FBXO39: variants seen among roughly 807,000 people sequenced by gnomAD.
FBXO39 encodes the protein F-box protein 39, also known as F-box only protein 39.
FBXO39 carries 22 observed loss-of-function variants against 36.6 expected under a neutral mutation model. That is an observed-to-expected ratio of 0.60 (90% confidence interval 0.43 to 0.86). FBXO39 has a LOEUF of 0.86. FBXO39 is among the 40% of genes least tolerant of loss of function. The pLI, the probability that FBXO39 is intolerant of heterozygous loss-of-function variation, is 0.00. For synonymous variants in FBXO39, 206 were observed against 205.8 expected, an observed-to-expected ratio of 1.00 and a Z score of -0.01; for missense variants, 536 against 543.9, an observed-to-expected ratio of 0.99 and a Z score of 0.14.
At position 6,780,467 on chromosome 17, in the gene FBXO39, T is replaced by C. The variant is rs755675137; in HGVS notation, c.599T>C (p.Ile200Thr). The C allele has an allele frequency of 2.5e-6, 4 of 1,614,138 alleles. No individual in the cohort carries two copies. Among genetic ancestry groups the C allele is most frequent in the Non-Finnish European group, 3.4e-6 (4 of 1,180,012 alleles). Residue 200 changes from isoleucine to threonine, a missense_variant, in exon 2 of 4, where the codon ATC (isoleucine) becomes ACC (threonine). Physicochemically the swap from Ile to Thr is moderately conservative, Grantham distance 89. Transcript: ENST00000321535. ...GAGAATGTGATCTCAGAGCTCAACA[T>C]CGAGGACTATTTCAGCCATCACCTT... is the stretch of plus-strand genomic sequence containing the variant. ...RNENVISELN[I>T]EDYFSHHLAV...
intron 3 of FBXO39, 101 bp downstream of exon 3, chr17:6,787,057 T>C: frequency 7.2e-7 from 1 of 1,388,728 alleles, no homozygotes; most frequent in Non-Finnish European, 9.8e-7. Flanking sequence ...TGGGGGACAA[T>C]CATCTGTTCA....
chr17:6,779,975 G>A lies in FBXO39; in HGVS notation c.107G>A (p.Arg36Lys). The A allele has an allele frequency of 6.2e-7, 1 of 1,614,212 alleles. No homozygotes were observed. The part of the protein sequence containing the change: ...RVFWWLGDRD[R>K]SRAALVCRKW... ...TTCTGGTGGCTAGGAGACAGGGACAGGTCCAGGGCTGCTCTTGTCTGCAGA... is the reference window on the plus strand; with the variant it reads ...TTCTGGTGGCTAGGAGACAGGGACAAGTCCAGGGCTGCTCTTGTCTGCAGA... The change falls in exon 2 of 4, where the codon AGG (arginine) becomes AAG (lysine). Residue 36 changes from arginine to lysine, a missense_variant. Coordinates refer to ENST00000321535, the MANE Select transcript of FBXO39 (RefSeq NM_153230.3).
rs759858108 is a variant in FBXO39, at chr17:6,780,483, C to T, written c.615C>T (p.Ser205=). ...AGCTCAACATCGAGGACTATTTCAG[C>T]CATCACCTTGCTGTCTACAACAGCC... ...ISELNIEDYF[S]HHLAVYNSPQ... Residue 205 remains serine, a synonymous_variant, in exon 2 of 4, where the codon AGC becomes AGT. Coordinates refer to ENST00000321535, the MANE Select transcript of FBXO39 (RefSeq NM_153230.3). The T allele has an allele frequency of 1.9e-6, 3 of 1,614,136 alleles. No homozygotes were observed. The highest frequency in any genetic ancestry group is 4.5e-5 in the East Asian group (2 of 44,874).
chr17:6,779,944 C>A lies in FBXO39; in HGVS notation c.76C>A (p.Arg26Ser). ...CTTTCTGCCCGATTTGTGTCTGTGC[C>A]GTGTTTTCTGGTGGCTAGGAGACAG... Reference protein sequence around the residue: ...WAFLPDLCLCRVFWWLGDRDR... With the variant: ...WAFLPDLCLCSVFWWLGDRDR... Residue 26 changes from arginine (R) to serine (S), a missense_variant, in exon 2 of 4, where the codon CGT becomes AGT. Coordinates refer to ENST00000321535, the MANE Select transcript of FBXO39 (RefSeq NM_153230.3). 1 of 1,614,158 alleles carries A rather than the reference C, an allele frequency of 6.2e-7. No homozygotes were observed. The highest frequency in any genetic ancestry group is 8.5e-7 in the Non-Finnish European group (1 of 1,180,036).
In FBXO39 at chr17:6,780,351, C is replaced by A. The variant is rs377688513; in HGVS notation, c.483C>A (p.Gly161=). Residue 161 remains glycine (G), a synonymous_variant, in exon 2 of 4, where the codon GGC becomes GGA. Coordinates refer to ENST00000321535, the MANE Select transcript of FBXO39 (RefSeq NM_153230.3). Reference sequence around the variant, plus strand: ...TGAGCTTCTTCTTAAAGAAGATGGGCAAACGCCTGGATTATCTCAACCTAA... The same window carrying A: ...TGAGCTTCTTCTTAAAGAAGATGGGAAAACGCCTGGATTATCTCAACCTAA... ...SSLSFFLKKM[G]KRLDYLNLKG... The A allele has an allele frequency of 6.2e-7, 1 of 1,614,106 alleles. No homozygotes were observed. The highest frequency in any genetic ancestry group is 2.2e-5 in the East Asian group (1 of 44,876).
rs1426551252 is a variant in FBXO39, at chr17:6,786,798, A to G, written c.1042A>G (p.Asn348Asp). Reference protein sequence around the residue: ...HTLQKLTCEFNNNHESLDEEL... With the variant: ...HTLQKLTCEFDNNHESLDEEL... ...CTTCCAGAAATTAACTTGTGAATTCAACAACAACCATGAGTCACTCGACGA... is the reference window on the plus strand; with the variant it reads ...CTTCCAGAAATTAACTTGTGAATTCGACAACAACCATGAGTCACTCGACGA... The change falls in exon 3 of 4, where the codon AAC becomes GAC. Residue 348 changes from asparagine to aspartate, a missense_variant. Physicochemically the swap from Asn to Asp is conservative, Grantham distance 23. Transcript: ENST00000321535. 9 of 1,607,628 alleles carry G rather than the reference A, an allele frequency of 5.6e-6. No individual in the cohort carries two copies. The highest frequency in any genetic ancestry group is 6.8e-6 in the Non-Finnish European group (8 of 1,177,396).
intron 3 of FBXO39, 60 bp from the exon 4 acceptor site, chr17:6,787,240 G>GTA (rs1976583763): frequency 8.1e-7 from 1 of 1,237,914 alleles, no homozygotes; most frequent in Admixed American, 2.2e-5. Context: ...GTGTGTGTAT[G>GTA]TGTGTGTGTG....
intron 2 of FBXO39, among the ~76,000 whole-genome samples, chr17:6,785,699 C>T (rs2151575280): frequency 6.6e-6 from 1 of 152,108 alleles, no homozygotes; most frequent in South Asian, 2.1e-4. Flanking sequence ...AAGACTTGAA[C>T]AGATATTTCT....
chr17:6,785,560 C>T (rs538759308), intron 2 of FBXO39, among the ~76,000 whole-genome samples: 5 of 151,812 alleles, frequency 3.3e-5, no homozygotes, highest in Non-Finnish European at 7.4e-5. Flanking sequence ...AGAGACAACC[C>T]ACAGGAAGAA....
intron 2 of FBXO39, among the ~76,000 whole-genome samples, chr17:6,786,485 A>G (rs7209269): frequency 0.052 from 7,862 of 152,272 alleles, 267 homozygotes; most frequent in South Asian, 0.079. Flanking sequence ...TACATTTTTT[A>G]AAAACTAAAA....
intron 2 of FBXO39, among the ~76,000 whole-genome samples, chr17:6,785,382 A>G (rs956223228): frequency 2.6e-5 from 4 of 152,188 alleles, no homozygotes; most frequent in African/African-American, 7.2e-5. Context: ...ACCTCAAACT[A>G]TGAAACTGCT....
Position 6,780,694 on chromosome 17 carries a change from C to G in FBXO39, c.826C>G (p.Leu276Val). 1 of 1,614,156 alleles carries G rather than the reference C, an allele frequency of 6.2e-7. No individual in the cohort carries two copies. Among genetic ancestry groups the G allele is most frequent in the Non-Finnish European group, 8.5e-7 (1 of 1,180,034 alleles). Reference protein sequence around the residue: ...QVIWGMSWAKLARQATNLKVN... With the variant: ...QVIWGMSWAKVARQATNLKVN... The stretch of plus-strand genomic sequence containing the variant: ...CATCTGGGGTATGTCCTGGGCCAAG[C>G]TGGCCAGGCAGGCCACCAATCTGAA... Residue 276 changes from leucine to valine, a missense_variant, in exon 2 of 4, where the codon CTG becomes GTG. Physicochemically the swap from Leu to Val is conservative, Grantham distance 32. Transcript: ENST00000321535.
In FBXO39 at chr17:6,779,885, A is replaced by G. The variant is rs146724926; in HGVS notation, c.17A>G (p.Glu6Gly). ...AGTTCCTGGATGGACGAAGAAAGTGAACTGATCCAGCCCCAAGACCAGAGC... is the reference window on the plus strand; with the variant it reads ...AGTTCCTGGATGGACGAAGAAAGTGGACTGATCCAGCCCCAAGACCAGAGC... The part of the protein sequence containing the change: MDEES[E>G]LIQPQDQSCW... Residue 6 changes from glutamate to glycine, a missense_variant, in exon 2 of 4, where the codon GAA (glutamate) becomes GGA (glycine). Transcript: ENST00000321535. 6.9e-4 allele frequency: 1,108 copies of G among 1,614,170 alleles called. 2 individuals are homozygous for G. The highest frequency in any genetic ancestry group is 8.7e-4 in the Non-Finnish European group (1,028 of 1,180,018).
In FBXO39 at chr17:6,787,600, T is replaced by C; in HGVS notation, c.*172T>C. The stretch of plus-strand genomic sequence containing the variant: ...GCTCAGCAAAGGCTGAGACTGCCCA[T>C]GACCTGAAGGCTCCAGGTGGCTTTA... On this transcript the variant is annotated 3_prime_UTR_variant, in exon 4 of 4. Transcript: ENST00000321535. 1 of 639,786 alleles carries C rather than the reference T, an allele frequency of 1.6e-6. No homozygotes were observed. The highest frequency in any genetic ancestry group is 2.6e-6 in the Non-Finnish European group (1 of 385,606). 39.6% of individuals were successfully genotyped at this position (639,786 alleles called of 1,614,324 possible). A position where few individuals can be genotyped will look rare whatever the true frequency, so the allele number is the denominator to read the frequency against.
Position 6,787,496 on chromosome 17 carries a change from A to G in FBXO39, c.*68A>G. ...TGAAAATCATTTCTCTTAGAACTAC[A>G]CTTGGGCACTGCCGGCCCTTTTGCT... On this transcript the variant is annotated 3_prime_UTR_variant, in exon 4 of 4. Coordinates refer to ENST00000321535, the MANE Select transcript of FBXO39 (RefSeq NM_153230.3). The G allele has an allele frequency of 6.3e-7, 1 of 1,583,868 alleles. No individual in the cohort carries two copies. Among genetic ancestry groups the G allele is most frequent in the African/African-American group, 1.4e-5 (1 of 73,796 alleles).
chr17:6,778,845 C>T (rs1172816997), intron 1 of FBXO39, among the ~76,000 whole-genome samples: 2 of 152,184 alleles, frequency 1.3e-5, no homozygotes, highest in Admixed American at 1.3e-4. Context: ...GCCTTCCCCA[C>T]CTCTTCCTTC....
intron 2 of FBXO39, 121 bp downstream of exon 2, chr17:6,781,012 T>G (rs1383940214): frequency 2.2e-5 from 24 of 1,114,534 alleles, no homozygotes; most frequent in Non-Finnish European, 3.0e-5. Flanking sequence ...ATTGAAGTTC[T>G]AGGAAATACC....
chr17:6,777,378 C>A (rs1401791257), intron 1 of FBXO39, among the ~76,000 whole-genome samples: 1 of 152,066 alleles, frequency 6.6e-6, no homozygotes, highest in East Asian at 1.9e-4. Context: ...CCTGTTCCTG[C>A]GTTAGTTTGC....
chr17:6,787,205 C>G, intron 3 of FBXO39, 95 bp from the exon 4 acceptor site: 2 of 1,460,324 alleles, frequency 1.4e-6, no homozygotes, highest in Non-Finnish European at 1.8e-6. Context: ...GCTGTCAAGC[C>G]CTGAAAAGTG....
Sources: gnomAD v4.1 joint callset for allele counts (sites outside exome capture counted in the v4.1 genomes callset) on GRCh38, gnomAD v4.1.1 for gene constraint, MANE v1.5 for transcripts, NCBI Gene and HGNC (gene_info 2026-07-23, HGNC 2026-07-21) for gene names.